Variants in USP48 observed in about 807,000 individuals in gnomAD.
USP48 encodes ubiquitin carboxyl-terminal hydrolase 48.
Under a neutral mutation model 150.7 loss-of-function variants are expected in USP48, and 43 were observed. That is an observed-to-expected ratio of 0.29 (90% CI 0.22 to 0.37). The LOEUF (loss-of-function observed/expected upper bound fraction) is 0.37. USP48 is among the 10% of genes least tolerant of loss of function. The pLI, the probability that USP48 is intolerant of heterozygous loss-of-function variation, is 1.00. For synonymous variants in USP48, 396 were observed against 425.9 expected, an observed-to-expected ratio of 0.93 and a Z score of 0.86; for missense variants, 813 against 1,249.6, an observed-to-expected ratio of 0.65 and a Z score of 5.27.
intron 1 of USP48, chr1:21,768,613 C>T (rs1023828717): frequency 6.6e-6 from 1 of 152,088 alleles, no homozygotes; most frequent in Non-Finnish European, 1.5e-5. Flanking sequence ...TCATGGCTAC[C>T]TATTCCCAGA....
intron 25 of USP48, among the ~76,000 whole-genome samples, chr1:21,682,607 T>C (rs1048193903): frequency 2.0e-5 from 3 of 152,200 alleles, no homozygotes; most frequent in African/African-American, 7.2e-5. Flanking sequence ...CCAGGCGTAG[T>C]GGCTCACGCC....
At chr1:21,715,946 A>G (rs2097702971) in intron 14 of USP48, among the ~76,000 whole-genome samples, 2 of 152,230 alleles carry the variant, frequency 1.3e-5, no homozygotes, top group Non-Finnish European at 2.9e-5. Context: ...TGGATGCCTA[A>G]AACCTACCAC....
chr1:21,756,456 G>A lies in USP48; in HGVS notation c.412+90C>T, dbSNP rs531693586. On this transcript the variant is annotated intron_variant, in intron 3 of 26. Transcript: ENST00000308271. ...AGATGGCGCCACTTCACTCTGGCTTGGGAAACAGAGGAAGACTCAAAAAAA... is the reference window on the plus strand; with the variant it reads ...AGATGGCGCCACTTCACTCTGGCTTAGGAAACAGAGGAAGACTCAAAAAAA... 503 of 1,412,896 alleles carry A rather than the reference G, an allele frequency of 3.6e-4. 6 individuals are homozygous for A. In the South Asian group the frequency reaches 6.2e-3, roughly 18 times the overall value. The allele number at this position is 1,412,896 out of a possible 1,614,324, so 87.5% of individuals were successfully genotyped here.
At chr1:21,760,067 C>T (rs1248578196) in intron 1 of USP48, among the ~76,000 whole-genome samples, 1 of 152,170 alleles carries the variant, frequency 6.6e-6, no homozygotes, top group Non-Finnish European at 1.5e-5. Context: ...TAATGCACAA[C>T]ACAGAATCAC....
chr1:21,738,441 C>G (rs1484382205), intron 8 of USP48, among the ~76,000 whole-genome samples: 2 of 148,082 alleles, frequency 1.4e-5, no homozygotes, highest in Non-Finnish European at 3.0e-5. Flanking sequence ...CTGCAACCTC[C>G]GCCCCCCTGG....
intron 6 of USP48, among the ~76,000 whole-genome samples, chr1:21,749,957 C>T (rs902328403): frequency 2.6e-5 from 4 of 152,072 alleles, no homozygotes; most frequent in Non-Finnish European, 5.9e-5. Flanking sequence ...CCAAATGGTG[C>T]TTATCACCTC....
intron 23 of USP48, among the ~76,000 whole-genome samples, chr1:21,693,771 C>T (rs1224150244): frequency 1.3e-5 from 2 of 152,148 alleles, no homozygotes; most frequent in African/African-American, 2.4e-5. Context: ...GGTACAATAA[C>T]AGAGTAAAGA....
intron 1 of USP48, chr1:21,768,535 C>CA (rs1486227001): frequency 2.0e-5 from 3 of 152,140 alleles, no homozygotes; most frequent in African/African-American, 7.2e-5. Flanking sequence ...TCCCTCATCT[C>CA]AGACTGAAAA....
Position 21,782,790 on chromosome 1 carries a change from G to C in USP48, c.134+34C>G, listed in dbSNP as rs534071808. On this transcript the variant is annotated intron_variant, in intron 1 of 26. Coordinates refer to ENST00000308271, the MANE Select transcript of USP48 (RefSeq NM_032236.8). Reference sequence around the variant, plus strand: ...GCCCGGGCTTTCCAAGGTCCGGCGCGAGGAGCCCGCGAGGCGCGGTGCGCG... The same window carrying C: ...GCCCGGGCTTTCCAAGGTCCGGCGCCAGGAGCCCGCGAGGCGCGGTGCGCG... The C allele has an allele frequency of 1.3e-3, 1,924 of 1,503,460 alleles. 7 individuals are homozygous for C. Among genetic ancestry groups the C allele is most frequent in the Non-Finnish European group, 1.3e-3 (1,471 of 1,126,400 alleles). The allele number at this position is 1,503,460 out of a possible 1,614,324, so 93.1% of individuals were successfully genotyped here. A position where few individuals can be genotyped will look rare whatever the true frequency, so the allele number is the denominator to read the frequency against.
At chr1:21,735,145 T>C (rs187013153) in intron 9 of USP48, among the ~76,000 whole-genome samples, 136 of 152,324 alleles carry the variant, frequency 8.9e-4, no homozygotes, top group African/African-American at 3.2e-3. Context: ...CTACTATTCA[T>C]CATCACTAAC....
At chr1:21,693,980 C>T (rs969923781) in intron 23 of USP48, among the ~76,000 whole-genome samples, 16 of 152,128 alleles carry the variant, frequency 1.1e-4, no homozygotes, top group Non-Finnish European at 2.1e-4. Flanking sequence ...GAAATTTGGT[C>T]AACTTTTTGG....
At chr1:21,725,915 G>T (rs186109292) in intron 11 of USP48, among the ~76,000 whole-genome samples, 2 of 152,168 alleles carry the variant, frequency 1.3e-5, no homozygotes, top group East Asian at 3.9e-4. Flanking sequence ...GGGTATCTGG[G>T]GAATGCAAAG....
chr1:21,750,160 T>C (rs1168329250), intron 6 of USP48, among the ~76,000 whole-genome samples: 3 of 152,176 alleles, frequency 2.0e-5, no homozygotes. Context: ...CCCTCTCTGA[T>C]ATGGCCCTTG....
intron 22 of USP48, among the ~76,000 whole-genome samples, chr1:21,697,474 T>G (rs558416540): frequency 6.6e-6 from 1 of 152,082 alleles, no homozygotes; most frequent in South Asian, 2.1e-4. Context: ...CCATCCTGGC[T>G]AACATGGTGA....
intron 11 of USP48, chr1:21,724,474 A>G (rs1329168300): frequency 2.7e-6 from 1 of 369,036 alleles, no homozygotes; most frequent in Non-Finnish European, 4.9e-6. Context: ...ACACAACCTC[A>G]TGCCCTACTG....
intron 23 of USP48, 95 bp downstream of exon 23, chr1:21,694,971 A>T: frequency 8.0e-7 from 1 of 1,256,488 alleles, no homozygotes; most frequent in Non-Finnish European, 1.0e-6. Flanking sequence ...GGAAAAAAAC[A>T]CAGATACATA....
intron 1 of USP48, among the ~76,000 whole-genome samples, chr1:21,767,493 T>A (rs1320650413): frequency 6.6e-6 from 1 of 151,870 alleles, no homozygotes; most frequent in East Asian, 1.9e-4. Flanking sequence ...CCCGGCTAAT[T>A]TTTGTATTTT....
intron 1 of USP48, among the ~76,000 whole-genome samples, chr1:21,773,105 A>G (rs1272803176): frequency 6.7e-6 from 1 of 150,352 alleles, no homozygotes; most frequent in Admixed American, 6.6e-5. Flanking sequence ...AAATACAAAA[A>G]TTACCCAGGC....
At chr1:21,780,745 T>TA (rs964436655) in intron 1 of USP48, among the ~76,000 whole-genome samples, 3 of 147,090 alleles carry the variant, frequency 2.0e-5, no homozygotes, top group African/African-American at 7.5e-5. Context: ...ATAATTTTTT[T>TA]TTTTTTTTTT....
Sources: allele counts gnomAD v4.1 joint callset (sites outside exome capture counted in the v4.1 genomes callset), GRCh38; gene constraint gnomAD v4.1.1; transcripts MANE v1.5; gene names NCBI Gene and HGNC (gene_info 2026-07-23, HGNC 2026-07-21).